RTN3: variants seen among roughly 807,000 people sequenced by gnomAD.
RTN3 encodes the protein reticulon-3.
In RTN3, 49 loss-of-function variants were observed where a neutral mutation model predicts 77.8. That is an observed-to-expected ratio of 0.63 (90% CI 0.50 to 0.80). RTN3 has a LOEUF of 0.80. Among genes scored for constraint, RTN3 ranks in the 30% least tolerant of loss-of-function variants. The probability of loss-of-function intolerance (pLI) is 0.00; values close to 1 mark genes in which losing one functional copy is unlikely to be tolerated. For missense variants in RTN3, 1,236 were observed against 1,211.9 expected (o/e 1.02, Z -0.29); for synonymous variants, 464 against 446.9 (o/e 1.04, Z -0.48).
At chr11:63,756,214 T>TC (rs2014375696) in intron 8 of RTN3, 44 bp downstream of exon 8, 3 of 1,324,692 alleles carry the variant, frequency 2.3e-6, no homozygotes, top group Non-Finnish European at 3.3e-6. Context: ...TATGCTTCCT[T>TC]CCCCCCAATT....
At chr11:63,717,271 G>A (rs545003985) in intron 2 of RTN3, among the ~76,000 whole-genome samples, 1 of 151,720 alleles carries the variant, frequency 6.6e-6, no homozygotes, top group South Asian at 2.1e-4. Context: ...TTAGAAAACA[G>A]TGTGGTAGAT....
chr11:63,718,311 G>C (rs1293695534), intron 2 of RTN3, among the ~76,000 whole-genome samples: 1 of 152,074 alleles, frequency 6.6e-6, no homozygotes, highest in Non-Finnish European at 1.5e-5. Context: ...TATAGTATCA[G>C]GTTATTTGTT....
chr11:63,703,778 G>A (rs1194094061), intron 1 of RTN3, among the ~76,000 whole-genome samples: 13 of 151,762 alleles, frequency 8.6e-5, no homozygotes, highest in East Asian at 7.8e-4. Context: ...TCCTGACCTC[G>A]TGATCCGCCT....
intron 3 of RTN3, among the ~76,000 whole-genome samples, chr11:63,736,331 C>T (rs1195493764): frequency 1.3e-5 from 2 of 152,174 alleles, no homozygotes; most frequent in African/African-American, 2.4e-5. Context: ...TCTGCATCCG[C>T]AGGTTCTGCA....
At chr11:63,752,752 A>G in intron 5 of RTN3, 107 bp downstream of exon 5, 1 of 1,194,464 alleles carries the variant, frequency 8.4e-7, no homozygotes, top group Non-Finnish European at 1.2e-6. Flanking sequence ...AAATGAACGT[A>G]TGCTTAGCTC....
chr11:63,743,572 C>T (rs1395925339), intron 3 of RTN3, among the ~76,000 whole-genome samples: 2 of 151,992 alleles, frequency 1.3e-5, no homozygotes, highest in African/African-American at 2.4e-5. Flanking sequence ...TGTAGTATTG[C>T]GTTTATTTAT....
chr11:63,737,507 G>A (rs1209731410), intron 3 of RTN3, among the ~76,000 whole-genome samples: 1 of 152,162 alleles, frequency 6.6e-6, no homozygotes, highest in East Asian at 1.9e-4. Flanking sequence ...CTGTTAAGGA[G>A]ACTGAGGGAA....
chr11:63,756,117 G>A lies in RTN3; in HGVS notation c.3000G>A (p.Gln1000=). The A allele has an allele frequency of 1.2e-6, 2 of 1,612,698 alleles. No homozygotes were observed. The highest frequency in any genetic ancestry group is 1.7e-6 in the Non-Finnish European group (2 of 1,178,726). The change falls in exon 8 of 9, where the codon CAG becomes CAA. Residue 1000 remains glutamine, a synonymous_variant. Transcript: ENST00000377819. ...TTTATTTTCCTTCCTTAAAGACCCAGATTGATCACTATGTTGGCATCGCCC... is the reference window on the plus strand; with the variant it reads ...TTTATTTTCCTTCCTTAAAGACCCAAATTGATCACTATGTTGGCATCGCCC... ...VPIVYEKYKT[Q]IDHYVGIARD...
rs2014505137 is a variant in RTN3 at position 63,758,557 on chromosome 11, C to G, written c.*356C>G. ...GGGTCCTTCTGTCCAGTTTTCAGCA[C>G]TAGTCTTACTCAGCTATCCATTATA... On this transcript the variant is annotated 3_prime_UTR_variant, in exon 9 of 9. Coordinates refer to ENST00000377819, the MANE Select transcript of RTN3 (RefSeq NM_001265589.2). 1 of 510,052 alleles carries G rather than the reference C, an allele frequency of 2.0e-6. No individual in the cohort carries two copies. Among genetic ancestry groups the G allele is most frequent in the Non-Finnish European group, 3.4e-6 (1 of 293,308 alleles). 31.6% of individuals were successfully genotyped at this position (510,052 alleles called of 1,614,324 possible). A position where few individuals can be genotyped will look rare whatever the true frequency, so the allele number is the denominator to read the frequency against.
chr11:63,750,268 A>G, intron 4 of RTN3, 70 bp downstream of exon 4: 2 of 1,270,984 alleles, frequency 1.6e-6, no homozygotes, highest in Non-Finnish European at 2.2e-6. Context: ...ATAGGTCTAA[A>G]ACTCAGACCT....
chr11:63,743,358 G>C (rs1565339572), intron 3 of RTN3, among the ~76,000 whole-genome samples: 2 of 152,180 alleles, frequency 1.3e-5, no homozygotes, highest in East Asian at 3.8e-4. Context: ...CCCTTCCCTA[G>C]TTTCCTGAGA....
chr11:63,753,340 A>G (rs1419014152), intron 6 of RTN3, among the ~76,000 whole-genome samples: 1 of 152,230 alleles, frequency 6.6e-6, no homozygotes, highest in African/African-American at 2.4e-5. Flanking sequence ...AGAAATATCA[A>G]AACAGCTGGA....
At chr11:63,712,073 G>A (rs566251796) in intron 2 of RTN3, among the ~76,000 whole-genome samples, 11 of 152,332 alleles carry the variant, frequency 7.2e-5, no homozygotes, top group Admixed American at 2.0e-4. Flanking sequence ...TTGTACCAAC[G>A]TATTCAGACG....
At chr11:63,708,434 G>C (rs1288556362) in intron 2 of RTN3, among the ~76,000 whole-genome samples, 1 of 152,004 alleles carries the variant, frequency 6.6e-6, no homozygotes, top group Non-Finnish European at 1.5e-5. Context: ...AAAGTGCTGG[G>C]ATTACAGGCA....
At chr11:63,718,525 T>C (rs1369158206) in intron 2 of RTN3, among the ~76,000 whole-genome samples, 177 bp from the exon 3 acceptor site, 2 of 152,206 alleles carry the variant, frequency 1.3e-5, no homozygotes, top group African/African-American at 4.8e-5. Flanking sequence ...GTTTTATGCA[T>C]GTCCTGTAGG....
chr11:63,749,727 A>G (rs554459802), intron 3 of RTN3, among the ~76,000 whole-genome samples: 1 of 152,332 alleles, frequency 6.6e-6, no homozygotes, highest in South Asian at 2.1e-4. Flanking sequence ...ATTTTCATTT[A>G]TAAGATTCTC....
At chr11:63,682,629 A>T (rs1214416041) in intron 1 of RTN3, among the ~76,000 whole-genome samples, 1 of 145,248 alleles carries the variant, frequency 6.9e-6, no homozygotes, top group Admixed American at 6.9e-5. Context: ...AGTATAACAA[A>T]GGGGGGTGTT....
chr11:63,705,963 A>G (rs1397272429), intron 2 of RTN3, among the ~76,000 whole-genome samples: 4 of 152,216 alleles, frequency 2.6e-5, no homozygotes, highest in Non-Finnish European at 5.9e-5. Flanking sequence ...TCAATTGAGA[A>G]CCTTTATTTT....
chr11:63,753,551 A>G (rs1027779295), intron 6 of RTN3, 111 bp from the exon 7 acceptor site: 3 of 937,288 alleles, frequency 3.2e-6, no homozygotes, highest in South Asian at 1.6e-5. Flanking sequence ...ATTTTGAGGA[A>G]TGCCTGTGTT....
Sources: gnomAD v4.1 joint callset for allele counts (sites outside exome capture counted in the v4.1 genomes callset) on GRCh38, gnomAD v4.1.1 for gene constraint, MANE v1.5 for transcripts, NCBI Gene and HGNC (gene_info 2026-07-23, HGNC 2026-07-21) for gene names.